ADGRL3: variants seen among roughly 807,000 people sequenced by gnomAD.
The protein encoded by ADGRL3 is adhesion G protein-coupled receptor L3.
A neutral mutation model predicts 153.5 loss-of-function variants in ADGRL3; 62 were observed. The ratio of observed to expected loss-of-function variants is 0.40; its 90% confidence interval spans 0.33 to 0.50. The LOEUF is 0.50. Ranked by LOEUF, ADGRL3 falls within the 20% of genes least tolerant of loss-of-function variation. The pLI, the probability that ADGRL3 is intolerant of heterozygous loss-of-function variation, is 0.47. For missense variants in ADGRL3, 1,641 were observed against 1,859.4 expected, an observed-to-expected ratio of 0.88 and a Z score of 2.16; for synonymous variants, 710 against 672.5, an observed-to-expected ratio of 1.06 and a Z score of -0.86.
rs554652891 is a variant in ADGRL3 at position 61,979,920 on chromosome 4, A to G, written c.3015+148A>G. Reference sequence around the variant, plus strand: ...ATTTTCAGGCCTTACTCAGTTTTCCATTTTTCATATCCCATTGTCATAAAT... The same window carrying G: ...ATTTTCAGGCCTTACTCAGTTTTCCGTTTTTCATATCCCATTGTCATAAAT... On this transcript the variant is annotated intron_variant, in intron 18 of 26. Transcript: ENST00000683033. 625 of 673,016 alleles carry G rather than the reference A, an allele frequency of 9.3e-4. 1 individual carries two copies. Among genetic ancestry groups the G allele is most frequent in the Non-Finnish European group, 1.4e-3 (572 of 399,522 alleles). 41.7% of individuals were successfully genotyped at this position (673,016 alleles called of 1,614,324 possible).
chr4:61,432,573 CCTTTCTTTCTTTCTTTCTTTCTTTCTTT>C lies in ADGRL3; in HGVS notation c.-174+49441_-174+49468del, dbSNP rs1219373046. Among the ~76,000 whole-genome samples, 228 of 35,854 alleles carry C rather than the reference CCTTTCTTTCTTTCTTTCTTTCTTTCTTT, an allele frequency of 6.4e-3. 9 individuals are homozygous for C. The highest frequency in any genetic ancestry group is 0.017 in the African/African-American group (217 of 13,046). 23.5% of individuals were successfully genotyped at this position (35,854 alleles called of 152,430 possible). Reference sequence around the variant, plus strand: ...TTTATAGATTTCTTTTCTTTCTCTTCCTTTCTTTCTTTCTTTCTTTCTTTCTTTCTTTCTTTCTTTCTTTCTTTCTTTC... The same window carrying C: ...TTTATAGATTTCTTTTCTTTCTCTTCCTTTCTTTCTTTCTTTCTTTCTTTC... On this transcript the variant is annotated intron_variant, in intron 2 of 26. Transcript: ENST00000683033.
At chr4:61,773,384 C>T (rs182164748) in intron 8 of ADGRL3, among the ~76,000 whole-genome samples, 5 of 152,244 alleles carry the variant, frequency 3.3e-5, no homozygotes, top group East Asian at 3.9e-4. Flanking sequence ...TTGTCTCATT[C>T]GGCCTCAAGC....
intron 25 of ADGRL3, among the ~76,000 whole-genome samples, chr4:62,048,716 CT>C (rs936875816): frequency 1.3e-5 from 2 of 150,366 alleles, no homozygotes; most frequent in Admixed American, 6.7e-5. Context: ...ACACCATTTT[CT>C]TTTTTTTTAA....
chr4:61,667,589 AT>A (rs1265462661), intron 5 of ADGRL3, among the ~76,000 whole-genome samples: 1 of 152,190 alleles, frequency 6.6e-6, no homozygotes, highest in Non-Finnish European at 1.5e-5. Context: ...GATATTTCAC[AT>A]TTTGTGAGGT....
At chr4:62,025,943 C>A (rs892550427) in intron 21 of ADGRL3, among the ~76,000 whole-genome samples, 1 of 152,010 alleles carries the variant, frequency 6.6e-6, no homozygotes, top group African/African-American at 2.4e-5. Flanking sequence ...AAGGAATCAA[C>A]AGCATGGCAA....
At chr4:61,412,923 A>G (rs1027193103) in intron 2 of ADGRL3, among the ~76,000 whole-genome samples, 1 of 152,054 alleles carries the variant, frequency 6.6e-6, no homozygotes, top group Non-Finnish European at 1.5e-5. Context: ...ATTGGATTCT[A>G]TTGATTGTGT....
intron 5 of ADGRL3, among the ~76,000 whole-genome samples, chr4:61,597,510 C>T (rs2098993875): frequency 6.6e-6 from 1 of 152,014 alleles, no homozygotes; most frequent in African/African-American, 2.4e-5. Context: ...TTTGAATTTA[C>T]TTAGCAAATG....
At chr4:61,491,668 G>T (rs1044150332) in intron 2 of ADGRL3, among the ~76,000 whole-genome samples, 9 of 151,896 alleles carry the variant, frequency 5.9e-5, no homozygotes, top group Admixed American at 5.9e-4. Context: ...AATATTCCCC[G>T]CTTGATATCC....
intron 1 of ADGRL3, among the ~76,000 whole-genome samples, chr4:61,332,561 T>C (rs1443380002): frequency 6.6e-6 from 1 of 152,182 alleles, no homozygotes; most frequent in African/African-American, 2.4e-5. Flanking sequence ...CAGGACTGAC[T>C]CTGCTAACAG....
chr4:62,028,927 T>G, intron 22 of ADGRL3, 46 bp downstream of exon 22: 1 of 1,550,092 alleles, frequency 6.5e-7, no homozygotes, highest in Non-Finnish European at 8.8e-7. Context: ...ATCAGTGTGG[T>G]CCCATGAACC....
In ADGRL3 at chr4:61,306,822, A is replaced by C. The variant is rs555503731; in HGVS notation, c.-239-76302A>C. Among the ~76,000 whole-genome samples the C allele has an allele frequency of 1.7e-3, 258 of 152,328 alleles. 2 individuals carry two copies. Among genetic ancestry groups the C allele is most frequent in the African/African-American group, 5.9e-3 (245 of 41,576 alleles). On this transcript the variant is annotated intron_variant, in intron 1 of 26. Coordinates refer to ENST00000683033, the MANE Select transcript of ADGRL3 (RefSeq NM_001387552.1). ...AGTTATCTGTTGCCCTATTTCAGTCAATTCATCATTCCTTCACGTGTGCAA... is the reference window on the plus strand; with the variant it reads ...AGTTATCTGTTGCCCTATTTCAGTCCATTCATCATTCCTTCACGTGTGCAA...
intron 9 of ADGRL3, among the ~76,000 whole-genome samples, chr4:61,840,331 C>T (rs1205521709): frequency 6.6e-6 from 1 of 152,192 alleles, no homozygotes; most frequent in East Asian, 1.9e-4. Context: ...TCACCTGCCT[C>T]AGCCTCCCAA....
chr4:61,872,607 T>G (rs539007484), intron 9 of ADGRL3, among the ~76,000 whole-genome samples: 1 of 151,500 alleles, frequency 6.6e-6, no homozygotes, highest in Admixed American at 6.6e-5. Flanking sequence ...TTCAGACATT[T>G]ACTTATTCAG....
At chr4:61,593,011 A>G (rs1422726492) in intron 5 of ADGRL3, among the ~76,000 whole-genome samples, 1 of 152,114 alleles carries the variant, frequency 6.6e-6, no homozygotes, top group African/African-American at 2.4e-5. Context: ...TATCCATTGC[A>G]TGTTTTTCAT....
At chr4:61,835,219 G>GT (rs1031229430) in intron 9 of ADGRL3, among the ~76,000 whole-genome samples, 21 of 151,024 alleles carry the variant, frequency 1.4e-4, no homozygotes, top group Admixed American at 6.0e-4. Context: ...GGAAAACAGG[G>GT]TTTTTTTTCC....
chr4:61,225,571 C>G (rs1159746175), intron 1 of ADGRL3, among the ~76,000 whole-genome samples: 1 of 152,006 alleles, frequency 6.6e-6, no homozygotes, highest in Admixed American at 6.6e-5. Context: ...AAAATCAGTC[C>G]CAATACCATA....
chr4:61,729,511 C>A (rs961080523), intron 6 of ADGRL3, among the ~76,000 whole-genome samples: 1 of 151,850 alleles, frequency 6.6e-6, no homozygotes, highest in African/African-American at 2.4e-5. Context: ...GTTTTTGAAA[C>A]CTTACTAGCA....
intron 21 of ADGRL3, among the ~76,000 whole-genome samples, chr4:62,009,910 TCTGAACTTAG>T (rs778470138): frequency 1.2e-4 from 18 of 152,034 alleles, no homozygotes; most frequent in African/African-American, 4.3e-4. Flanking sequence ...ATAGAACAAT[TCTGAACTTAG>T]AAAAGTGCTG....
intron 18 of ADGRL3, among the ~76,000 whole-genome samples, chr4:61,980,253 T>A (rs1043440267): frequency 1.3e-5 from 2 of 151,712 alleles, no homozygotes; most frequent in African/African-American, 2.4e-5. Context: ...TTGAAAATCA[T>A]CTGTGCTTCC....
Sources: gnomAD v4.1 joint callset for allele counts (sites outside exome capture counted in the v4.1 genomes callset) on GRCh38, gnomAD v4.1.1 for gene constraint, MANE v1.5 for transcripts, NCBI Gene and HGNC (gene_info 2026-07-23, HGNC 2026-07-21) for gene names.